Variants in ZNF644 observed in about 807,000 individuals in gnomAD.
The protein encoded by ZNF644 is zinc finger motif enhancer binding protein 2.
ZNF644 carries 20 observed loss-of-function variants against 108.0 expected under a neutral mutation model. That is an observed-to-expected ratio of 0.19 (90% CI 0.13 to 0.27). The LOEUF is 0.27. Among genes scored for constraint, ZNF644 ranks in the 10% least tolerant of loss-of-function variants. ZNF644 has a pLI of 1.00. For missense variants in ZNF644, 1,338 were observed against 1,548.9 expected (o/e 0.86, Z 2.29); for synonymous variants, 542 against 539.1 (o/e 1.01, Z -0.08).
rs929015207 is a variant in ZNF644, at chr1:90,941,165, T to G, written c.189A>C (p.Gln63His). ...ESGVHKPKDC[Q>H]TSFQKNNTLT... ...ACGTATTATTTTTCTGAAATGATGT[T>G]TGACAATCTTTTGGCTTATGAACTC... Residue 63 changes from glutamine (Q) to histidine (H), a missense_variant, in exon 3 of 6, where the codon CAA (glutamine) becomes CAC (histidine). Around this residue, in one of 6 missense-constraint regions of ZNF644, gnomAD observed 464 missense variants for 457.9 expected, o/e 1.01. Coordinates refer to ENST00000337393, the MANE Select transcript of ZNF644 (RefSeq NM_201269.3). 6.2e-7 allele frequency: 1 copy of G among 1,613,106 alleles called. No homozygotes were observed. Among genetic ancestry groups the G allele is most frequent in the African/African-American group, 1.3e-5 (1 of 74,860 alleles).
chr1:90,922,980 CT>C (rs1229273637), intron 4 of ZNF644, among the ~76,000 whole-genome samples: 2 of 152,032 alleles, frequency 1.3e-5, no homozygotes, highest in African/African-American at 4.8e-5. Context: ...GAATCAGGGC[CT>C]TTTTTTAGAA....
rs1415454669 is a variant in ZNF644, at chr1:90,918,158, A to C, written c.3689-4T>G. 1 of 1,610,880 alleles carries C rather than the reference A, an allele frequency of 6.2e-7. No homozygotes were observed. The highest frequency in any genetic ancestry group is 1.3e-5 in the African/African-American group (1 of 74,838). On this transcript the variant is annotated splice_polypyrimidine_tract_variant and splice_region_variant and intron_variant, in intron 4 of 5. Transcript: ENST00000337393. ...TTCTTTTGCTTACAATCTAAGGCTA[A>C]AAAGGGGAAGAGAAAGACTTAACAT... is the stretch of plus-strand genomic sequence containing the variant.
intron 2 of ZNF644, among the ~76,000 whole-genome samples, chr1:90,953,943 GAAATA>G (rs766413610): frequency 6.6e-6 from 1 of 151,932 alleles, no homozygotes; most frequent in African/African-American, 2.4e-5. Context: ...ATAAATAAAT[GAAATA>G]AAATACTTTA....
At chr1:91,016,700 TAAAA>T (rs1660466476) in intron 1 of ZNF644, among the ~76,000 whole-genome samples, 1 of 152,236 alleles carries the variant, frequency 6.6e-6, no homozygotes, top group Admixed American at 6.5e-5. Flanking sequence ...AAAAATTAGA[TAAAA>T]TAATTGATAG....
At chr1:90,947,091 A>G (rs1203489557) in intron 2 of ZNF644, among the ~76,000 whole-genome samples, 2 of 152,218 alleles carry the variant, frequency 1.3e-5, no homozygotes, top group African/African-American at 4.8e-5. Context: ...AAATTATGTA[A>G]CAATAAGAAT....
rs1656647116 is a variant in ZNF644 at position 90,982,447 on chromosome 1, T to C, written c.-17-77A>G. ...AATAACCATAGCTACAATACACTAT[T>C]ATTTTAAATGAAAAAACACAAACCA... On this transcript the variant is annotated intron_variant, in intron 1 of 5. Coordinates refer to ENST00000337393, the MANE Select transcript of ZNF644 (RefSeq NM_201269.3). The C allele has an allele frequency of 6.3e-6, 6 of 951,604 alleles. No homozygotes were observed. In the Admixed American group the frequency reaches 9.2e-5, roughly 15 times the overall value. The allele number at this position is 951,604 out of a possible 1,614,324, so 58.9% of individuals were successfully genotyped here. A position where few individuals can be genotyped will look rare whatever the true frequency, so the allele number is the denominator to read the frequency against.
chr1:91,004,461 G>A (rs1396876315), intron 1 of ZNF644, among the ~76,000 whole-genome samples: 1 of 152,170 alleles, frequency 6.6e-6, no homozygotes, highest in African/African-American at 2.4e-5. Flanking sequence ...TTTCATAACA[G>A]AAGGAGAAAT....
intron 2 of ZNF644, among the ~76,000 whole-genome samples, chr1:90,946,993 CA>C (rs370140408): frequency 2.6e-4 from 40 of 152,216 alleles, no homozygotes; most frequent in African/African-American, 7.9e-4. Context: ...AAGAAGCTCC[CA>C]TGTGGTAAAC....
rs747070657 is a variant in ZNF644 at position 90,938,893 on chromosome 1, C to G, written c.2461G>C (p.Val821Leu). Residue 821 changes from valine (V) to leucine (L), a missense_variant, in exon 3 of 6, where the codon GTT (valine) becomes CTT (leucine). Val to Leu is a conservative substitution (Grantham distance 32, BLOSUM62 1). Transcript: ENST00000337393. This position sits in a 1 kb window ranked among gnomAD's most constrained non-coding sequence, Gnocchi z 4.2. ...VIKESKKESS[V>L]GGEDLDSYPD... Reference sequence around the variant, plus strand: ...TAGCTATCCAAGTCTTCCCCTCCAACAGAACTTTCCTTCTTAGATTCCTTA... The same window carrying G: ...TAGCTATCCAAGTCTTCCCCTCCAAGAGAACTTTCCTTCTTAGATTCCTTA... 7 of 1,613,870 alleles carry G rather than the reference C, an allele frequency of 4.3e-6. No individual in the cohort carries two copies. In the African/African-American group the frequency reaches 9.3e-5, roughly 22 times the overall value.
rs114830732 is a variant in ZNF644, at chr1:91,007,374, C to T, written c.-18+14616G>A. 1.7e-3 allele frequency among the ~76,000 whole-genome samples: 251 copies of T among 151,768 alleles called. 2 individuals carry two copies. The highest frequency in any genetic ancestry group is 6.0e-3 in the African/African-American group (247 of 41,372). ...GATTACGGGTGCATACCAACATGCCCTGCTAATTTCTGTATTTTTAGCAGA... is the reference window on the plus strand; with the variant it reads ...GATTACGGGTGCATACCAACATGCCTTGCTAATTTCTGTATTTTTAGCAGA... On this transcript the variant is annotated intron_variant, in intron 1 of 5. Transcript: ENST00000337393.
At chr1:91,016,720 A>G (rs1420209055) in intron 1 of ZNF644, among the ~76,000 whole-genome samples, 1 of 152,258 alleles carries the variant, frequency 6.6e-6, no homozygotes, top group East Asian at 1.9e-4. Context: ...GATAGACTAC[A>G]GGTAAACATG....
At chr1:91,014,728 A>G (rs944180885) in intron 1 of ZNF644, among the ~76,000 whole-genome samples, 3 of 151,972 alleles carry the variant, frequency 2.0e-5, no homozygotes, top group African/African-American at 4.8e-5. Flanking sequence ...AATGAGAGCA[A>G]TACGACACCA....
chr1:91,016,880 G>C (rs998986726), intron 1 of ZNF644, among the ~76,000 whole-genome samples: 2 of 152,198 alleles, frequency 1.3e-5, no homozygotes, highest in Non-Finnish European at 2.9e-5. Flanking sequence ...ACCCAGGCTA[G>C]AGTGCAGTGG....
chr1:91,006,541 G>A (rs1659435675), intron 1 of ZNF644, among the ~76,000 whole-genome samples: 1 of 152,002 alleles, frequency 6.6e-6, no homozygotes. Flanking sequence ...CTCCTATAAG[G>A]CCAATATTGC....
chr1:90,967,464 T>C (rs1029767833), intron 2 of ZNF644, among the ~76,000 whole-genome samples: 3 of 152,106 alleles, frequency 2.0e-5, no homozygotes, highest in Non-Finnish European at 4.4e-5. Context: ...TTCCAAAACA[T>C]AAAACATAAA....
chr1:90,992,359 GA>G (rs1657724428), intron 1 of ZNF644, among the ~76,000 whole-genome samples: 1 of 141,996 alleles, frequency 7.0e-6, no homozygotes, highest in African/African-American at 2.6e-5. Context: ...CTCGAAGTTA[GA>G]ATAATAAATG....
intron 2 of ZNF644, among the ~76,000 whole-genome samples, chr1:90,947,052 T>G (rs1427276119): frequency 1.3e-5 from 2 of 152,128 alleles, no homozygotes; most frequent in African/African-American, 4.8e-5. Context: ...AGGGAGGCCC[T>G]ACAAAGACAT....
At chr1:90,935,841 A>G (rs1251983155) in intron 4 of ZNF644, among the ~76,000 whole-genome samples, 1 of 152,226 alleles carries the variant, frequency 6.6e-6, no homozygotes, top group Non-Finnish European at 1.5e-5. Context: ...ACCTACTACA[A>G]TACAATCCTG....
chr1:90,980,715 T>C (rs531747131), intron 2 of ZNF644, among the ~76,000 whole-genome samples: 3 of 152,294 alleles, frequency 2.0e-5, no homozygotes, highest in Non-Finnish European at 4.4e-5. Context: ...AAAAGCCACA[T>C]ACAAGAGTAC....
Sources: gnomAD v4.1 joint callset for allele counts (sites outside exome capture counted in the v4.1 genomes callset) on GRCh38, gnomAD v4.1.1 for gene constraint, gnomAD v4.1.1 regional missense constraint, Gnocchi (gnomAD v3.1) non-coding constraint, MANE v1.5 for transcripts, NCBI Gene and HGNC (gene_info 2026-07-23, HGNC 2026-07-21) for gene names.